The following RBFOX1 variants were observed in gnomAD, a reference collection of about 807,000 sequenced individuals.
RBFOX1 encodes the protein RNA binding fox-1 homolog 1.
Under a neutral mutation model 57.7 loss-of-function variants are expected in RBFOX1, and 8 were observed. The ratio of observed to expected loss-of-function variants is 0.14; its 90% CI spans 0.08 to 0.25. The LOEUF (loss-of-function observed/expected upper bound fraction) is 0.25. RBFOX1 is among the 10% of genes least tolerant of loss of function. The probability of loss-of-function intolerance (pLI) is 1.00; values close to 1 mark genes in which losing one functional copy is unlikely to be tolerated. For missense variants in RBFOX1, 611 were observed against 548.5 expected (o/e 1.11, Z -1.14); for synonymous variants, 326 against 222.4 (o/e 1.47, Z -4.15).
intron 3 of RBFOX1, among the ~76,000 whole-genome samples, chr16:6,840,100 G>A (rs955654174): frequency 2.0e-5 from 3 of 152,110 alleles, no homozygotes; most frequent in African/African-American, 7.2e-5. Flanking sequence ...CAGTACTACT[G>A]AATTGACTTG....
chr16:6,754,456 T>G (rs4786928), intron 3 of RBFOX1, among the ~76,000 whole-genome samples: 33,348 of 152,130 alleles, frequency 0.22, 3,840 homozygotes, highest in East Asian at 0.35. Context: ...GCTCTTTCCT[T>G]TTGTTTCTTC....
intron 4 of RBFOX1, among the ~76,000 whole-genome samples, chr16:7,474,543 C>T (rs531899698): frequency 2.6e-5 from 4 of 152,268 alleles, no homozygotes; most frequent in East Asian, 1.9e-4. Context: ...AAAGCAATTA[C>T]GGTTTTTGCC....
At chr16:5,576,250 C>T (rs1381169870) in intron 2 of RBFOX1, among the ~76,000 whole-genome samples, 4 of 152,170 alleles carry the variant, frequency 2.6e-5, no homozygotes, top group Admixed American at 2.0e-4. Flanking sequence ...GCAGTGGTCT[C>T]CCAAAGTGTT....
intron 4 of RBFOX1, among the ~76,000 whole-genome samples, chr16:7,517,186 TGTTGTG>T (rs1475893764): frequency 7.9e-6 from 1 of 126,568 alleles, no homozygotes; most frequent in African/African-American, 2.8e-5. Flanking sequence ...TGTGTGTGTG[TGTTGTG>T]GTAGAACTGT....
chr16:6,848,280 G>T (rs1444556208), intron 3 of RBFOX1, among the ~76,000 whole-genome samples: 2 of 152,164 alleles, frequency 1.3e-5, no homozygotes, highest in African/African-American at 4.8e-5. Flanking sequence ...TTGTGACCAT[G>T]TGGGAAGGTG....
chr16:7,258,519 A>T (rs1484589701), intron 4 of RBFOX1, among the ~76,000 whole-genome samples: 1 of 152,136 alleles, frequency 6.6e-6, no homozygotes, highest in Non-Finnish European at 1.5e-5. Flanking sequence ...TAGATTATGA[A>T]ATATTGTTGT....
At chr16:5,803,050 A>C (rs1279935220) in intron 3 of RBFOX1, among the ~76,000 whole-genome samples, 1 of 152,342 alleles carries the variant, frequency 6.6e-6, no homozygotes, top group Non-Finnish European at 1.5e-5. Flanking sequence ...TCCTGGAAGA[A>C]TGGATGCAGT....
chr16:6,211,086 G>A lies in RBFOX1; in HGVS notation c.-126-105909G>A, dbSNP rs148194047. On this transcript the variant is annotated intron_variant, in intron 1 of 15. Transcript: ENST00000550418. The stretch of plus-strand genomic sequence containing the variant: ...ACTACTGATGGAAAACATCAAGAAA[G>A]ATCTTAGACCCTTACTCCAGGGGAT... 7.4e-4 allele frequency among the ~76,000 whole-genome samples: 112 copies of A among 151,220 alleles called. 1 individual carries two copies. The East Asian group carries it at 9.6e-3, about 13-fold the overall frequency.
At chr16:7,693,906 T>TA (rs1365011621) in intron 14 of RBFOX1, among the ~76,000 whole-genome samples, 1 of 152,220 alleles carries the variant, frequency 6.6e-6, no homozygotes, top group Non-Finnish European at 1.5e-5. Flanking sequence ...TCCTTTCTTA[T>TA]AAAACATCTC....
At chr16:6,770,553 G>A (rs1217745434) in intron 3 of RBFOX1, among the ~76,000 whole-genome samples, 2 of 151,972 alleles carry the variant, frequency 1.3e-5, no homozygotes, top group African/African-American at 4.8e-5. Flanking sequence ...GAAGATGTTC[G>A]TCAACCTAGG....
intron 4 of RBFOX1, among the ~76,000 whole-genome samples, chr16:7,321,071 C>CTATAAGTATACA (rs1306024790): frequency 1.4e-5 from 1 of 72,846 alleles, no homozygotes; most frequent in Non-Finnish European, 3.7e-5. Context: ...ATCTGTCTAT[C>CTATAAGTATACA]TATACGTATA....
At chr16:5,402,755 C>A (rs987656604) in intron 1 of RBFOX1, among the ~76,000 whole-genome samples, 1 of 152,158 alleles carries the variant, frequency 6.6e-6, no homozygotes, top group Non-Finnish European at 1.5e-5. Context: ...AATCTCAGCC[C>A]TTTAGAATCA....
intron 2 of RBFOX1, among the ~76,000 whole-genome samples, chr16:6,403,099 A>C (rs1418592373): frequency 6.6e-6 from 1 of 152,196 alleles, no homozygotes; most frequent in East Asian, 1.9e-4. Context: ...GAGGTCATGA[A>C]GAGGACTGAG....
chr16:6,651,860 C>A (rs190823072), intron 2 of RBFOX1, among the ~76,000 whole-genome samples: 3 of 152,270 alleles, frequency 2.0e-5, no homozygotes, highest in East Asian at 1.9e-4. Flanking sequence ...TGTGGTCTCT[C>A]CATACAATGC....
intron 4 of RBFOX1, among the ~76,000 whole-genome samples, chr16:7,180,017 A>G (rs1282874616): frequency 6.6e-6 from 1 of 152,090 alleles, no homozygotes; most frequent in African/African-American, 2.4e-5. Context: ...TGCTGGAAAT[A>G]TAGGCTTGAG....
At chr16:5,999,939 A>C (rs1389094023) in intron 4 of RBFOX1, among the ~76,000 whole-genome samples, 2 of 150,994 alleles carry the variant, frequency 1.3e-5, no homozygotes, top group African/African-American at 2.4e-5. Context: ...CAAGGAAAGA[A>C]AGCAAGCATA....
In RBFOX1 at chr16:5,409,700, C is replaced by T. The variant is rs141795752; in HGVS notation, c.220-57516C>T. On this transcript the variant is annotated intron_variant, in intron 1 of 2. Transcript: ENST00000585867. ...CAGAGGAGAGAGAGAGAGAAATAAA[C>T]GTGTAGAGTGAGAGATGGTGTGTCT... Among the ~76,000 whole-genome samples the T allele has an allele frequency of 8.7e-3, 1,316 of 152,122 alleles. 14 individuals are homozygous for T. The highest frequency in any genetic ancestry group is 0.025 in the African/African-American group (1,024 of 41,490).
chr16:6,038,295 C>G (rs2095393553), intron 1 of RBFOX1: 1 of 150,374 alleles, frequency 6.7e-6, no homozygotes, highest in South Asian at 2.1e-4. Context: ...GATTCTCCTG[C>G]CTGAGCCTCC....
intron 2 of RBFOX1, among the ~76,000 whole-genome samples, chr16:5,593,947 C>G (rs1184853634): frequency 6.6e-6 from 1 of 152,122 alleles, no homozygotes; most frequent in Non-Finnish European, 1.5e-5. Flanking sequence ...TTGAAGGTCT[C>G]CGTGCTTCAT....
Sources: gnomAD v4.1 joint callset for allele counts (sites outside exome capture counted in the v4.1 genomes callset) on GRCh38, gnomAD v4.1.1 for gene constraint, MANE v1.5 for transcripts, NCBI Gene and HGNC (gene_info 2026-07-23, HGNC 2026-07-21) for gene names.